Variants in SLC38A12 observed in about 807,000 individuals in gnomAD.
The protein encoded by SLC38A12 is solute carrier family 38 member 12.
At chr17:74,836,379 G>A in the SLC38A12 span, 1 of 1,612,152 alleles carries the variant, frequency 6.2e-7, no homozygotes, top group Non-Finnish European at 8.5e-7. This position sits in a 1 kb window ranked among gnomAD's most constrained non-coding sequence, Gnocchi z 4.2. Flanking sequence ...CCCGTGGGTG[G>A]TGGACCGCGT....
the SLC38A12 span, among the ~76,000 whole-genome samples, chr17:74,819,264 CCT>C: frequency 6.6e-6 from 1 of 152,258 alleles, no homozygotes; most frequent in South Asian, 2.1e-4. Flanking sequence ...GAAGAGGTGT[CCT>C]CTCCTGCGAG....
the SLC38A12 span, among the ~76,000 whole-genome samples, chr17:74,811,313 G>A: frequency 6.6e-6 from 1 of 152,034 alleles, no homozygotes; most frequent in Non-Finnish European, 1.5e-5. Flanking sequence ...CTGGGCAACA[G>A]AGCGAGACCT....
At chr17:74,838,490 C>T in the SLC38A12 span, 57 of 1,015,662 alleles carry the variant, frequency 5.6e-5, no homozygotes, top group Admixed American at 3.7e-4. Flanking sequence ...AAATCTTGGA[C>T]GCAAATTCAT....
chr17:74,799,091 C>T, the SLC38A12 span, among the ~76,000 whole-genome samples: 2 of 152,182 alleles, frequency 1.3e-5, no homozygotes, highest in African/African-American at 4.8e-5. Flanking sequence ...CCTGCATCAC[C>T]TCCCAGCCAA....
the SLC38A12 span, among the ~76,000 whole-genome samples, chr17:74,790,478 C>A: frequency 1.3e-5 from 2 of 152,152 alleles, no homozygotes; most frequent in Non-Finnish European, 2.9e-5. Context: ...ACAGGCCTGG[C>A]CCCTGCTGGC....
At chr17:74,779,720 A>G in the SLC38A12 span, among the ~76,000 whole-genome samples, 2 of 152,314 alleles carry the variant, frequency 1.3e-5, no homozygotes, top group East Asian at 1.9e-4. Context: ...AAACCAAGAC[A>G]CGGGGCAGGT....
chr17:74,792,152 A>C, the SLC38A12 span, among the ~76,000 whole-genome samples: 1 of 148,094 alleles, frequency 6.8e-6, no homozygotes, highest in Non-Finnish European at 1.5e-5. Flanking sequence ...TCTCAAAAAA[A>C]AAAAAAAGAA....
chr17:74,823,989 C>A, the SLC38A12 span, among the ~76,000 whole-genome samples: 1 of 152,250 alleles, frequency 6.6e-6, no homozygotes, highest in Non-Finnish European at 1.5e-5. Context: ...GTGAGCATGA[C>A]CGTCTTCAGC....
At chr17:74,811,537 A>G in the SLC38A12 span, among the ~76,000 whole-genome samples, 18 of 151,908 alleles carry the variant, frequency 1.2e-4, no homozygotes, top group African/African-American at 4.3e-4. Flanking sequence ...CCTGGCCAAC[A>G]TGGTGAAATC....
the SLC38A12 span, among the ~76,000 whole-genome samples, chr17:74,820,768 C>G: frequency 6.6e-6 from 1 of 152,182 alleles, no homozygotes; most frequent in Non-Finnish European, 1.5e-5. Flanking sequence ...AGCCCCGTTT[C>G]CCACTGTGCT....
the SLC38A12 span, among the ~76,000 whole-genome samples, chr17:74,823,676 C>A: frequency 6.6e-6 from 1 of 152,220 alleles, no homozygotes; most frequent in Non-Finnish European, 1.5e-5. Flanking sequence ...GTGCTGTCCC[C>A]AGCAGTGAGG....
chr17:74,819,852 G>A, the SLC38A12 span: 1 of 1,611,550 alleles, frequency 6.2e-7, no homozygotes. Flanking sequence ...CGGTGAGTCT[G>A]AGAAACAGCT....
the SLC38A12 span, among the ~76,000 whole-genome samples, chr17:74,826,184 C>T: frequency 6.6e-6 from 1 of 152,082 alleles, no homozygotes; most frequent in Non-Finnish European, 1.5e-5. Flanking sequence ...CTCCCAGGCG[C>T]CACCTGCCAG....
the SLC38A12 span, chr17:74,838,178 C>T: frequency 1.0e-6 from 1 of 985,684 alleles, no homozygotes; most frequent in Non-Finnish European, 1.2e-6. Context: ...TAATTGGCCT[C>T]AGCCCGCTTT....
At chr17:74,801,442 G>A in the SLC38A12 span, among the ~76,000 whole-genome samples, 2 of 150,124 alleles carry the variant, frequency 1.3e-5, no homozygotes, top group African/African-American at 5.0e-5. Flanking sequence ...TGCATGTCCC[G>A]GGTGCTGTTT....
chr17:74,795,717 A>C, the SLC38A12 span: 10 of 1,062,110 alleles, frequency 9.4e-6, no homozygotes, highest in African/African-American at 1.6e-5. Flanking sequence ...TCCAGGTAGA[A>C]TCCTTTCCCC....
chr17:74,804,868 C>T, the SLC38A12 span, among the ~76,000 whole-genome samples: 2 of 152,248 alleles, frequency 1.3e-5, no homozygotes, highest in Admixed American at 6.5e-5. Flanking sequence ...CTGTGCTTCA[C>T]CTGAGAGGCA....
At chr17:74,814,808 CA>C in the SLC38A12 span, among the ~76,000 whole-genome samples, 3 of 152,158 alleles carry the variant, frequency 2.0e-5, no homozygotes, top group African/African-American at 7.2e-5. Context: ...CTGCGACAAA[CA>C]AGGATGCAGT....
the SLC38A12 span, among the ~76,000 whole-genome samples, chr17:74,810,832 C>A: frequency 6.6e-6 from 1 of 152,226 alleles, no homozygotes; most frequent in Non-Finnish European, 1.5e-5. Context: ...AGAGTTTTGG[C>A]AAATAAGCTG....
Sources: gnomAD v4.1 joint callset for allele counts (sites outside exome capture counted in the v4.1 genomes callset) on GRCh38, gnomAD v4.1.1 for gene constraint, Gnocchi (gnomAD v3.1) non-coding constraint, MANE v1.5 for transcripts, NCBI Gene and HGNC (gene_info 2026-07-23, HGNC 2026-07-21) for gene names.